The following SOS2 variants were observed in gnomAD, a reference collection of about 807,000 sequenced individuals.
SOS2 encodes SOS Ras/Rho guanine nucleotide exchange factor 2, also known as son of sevenless homolog 2.
Under a neutral mutation model 148.2 loss-of-function variants are expected in SOS2, and 65 were observed. The ratio of observed to expected loss-of-function variants is 0.44; its 90% confidence interval spans 0.36 to 0.54. The LOEUF (loss-of-function observed/expected upper bound fraction) is 0.54. Among genes scored for constraint, SOS2 ranks in the 20% least tolerant of loss-of-function variants. SOS2 has a pLI of 0.00. For missense variants in SOS2, 1,341 were observed against 1,590.2 expected (o/e 0.84, Z 2.67); for synonymous variants, 539 against 537.1 (o/e 1.00, Z -0.05).
At position 50,156,876 on chromosome 14, in the gene SOS2, A is replaced by G. The variant is rs771918147; in HGVS notation, c.2057+123T>C. 4 of 486,984 alleles carry G rather than the reference A, an allele frequency of 8.2e-6. No individual in the cohort carries two copies. In the South Asian group the frequency reaches 1.6e-4, roughly 20 times the overall value. 30.2% of individuals were successfully genotyped at this position (486,984 alleles called of 1,614,324 possible). On this transcript the variant is annotated intron_variant, in intron 12 of 22. Transcript: ENST00000216373. ...TGCTGTGAAGTTAAAAATATTCCCT[A>G]TATTTGAATTAAAAGCTGAGAGCTT...
chr14:50,135,003 G>A (rs182096167), intron 18 of SOS2, among the ~76,000 whole-genome samples: 4 of 148,942 alleles, frequency 2.7e-5, no homozygotes. Flanking sequence ...AACCTGGCAG[G>A]CGGAGGTTGA....
chr14:50,219,776 A>T (rs188363390), intron 1 of SOS2, among the ~76,000 whole-genome samples: 2 of 152,336 alleles, frequency 1.3e-5, no homozygotes, highest in East Asian at 3.9e-4. Context: ...ATCAAAGTGT[A>T]TAATTAAAAA....
At chr14:50,206,499 T>C (rs1445442214) in intron 1 of SOS2, among the ~76,000 whole-genome samples, 1 of 152,252 alleles carries the variant, frequency 6.6e-6, no homozygotes, top group Non-Finnish European at 1.5e-5. Flanking sequence ...AAATGCTATG[T>C]AATAGTGGTT....
chr14:50,224,314 T>TATACACACAC (rs1281779995), intron 1 of SOS2, among the ~76,000 whole-genome samples: 18 of 101,030 alleles, frequency 1.8e-4, no homozygotes, highest in African/African-American at 7.8e-4. Flanking sequence ...AATATATATA[T>TATACACACAC]ACACACACAC....
At chr14:50,182,953 T>G (rs1269007215) in intron 5 of SOS2, among the ~76,000 whole-genome samples, 1 of 152,248 alleles carries the variant, frequency 6.6e-6, no homozygotes, top group African/African-American at 2.4e-5. Flanking sequence ...TTTCTTTAAC[T>G]AGCATATCTT....
chr14:50,123,950 A>G (rs1883605465), intron 21 of SOS2, among the ~76,000 whole-genome samples: 1 of 152,192 alleles, frequency 6.6e-6, no homozygotes, highest in Non-Finnish European at 1.5e-5. Context: ...AGAGAAGTAA[A>G]AGATACTTCT....
At chr14:50,156,967 A>ATGTG (rs1566830196) in intron 12 of SOS2, 32 bp downstream of exon 12, 4 of 1,115,298 alleles carry the variant, frequency 3.6e-6, no homozygotes, top group Non-Finnish European at 2.5e-6. Flanking sequence ...ATATGTGTAT[A>ATGTG]TATATATATA....
chr14:50,205,325 T>C (rs1366071208), intron 1 of SOS2, among the ~76,000 whole-genome samples: 1 of 152,138 alleles, frequency 6.6e-6, no homozygotes, highest in Admixed American at 6.5e-5. Flanking sequence ...GTGCTGAGAT[T>C]ATAGCATGAG....
chr14:50,188,530 G>T lies in SOS2; in HGVS notation c.681C>A (p.Ala227=). 1 of 1,599,594 alleles carries T rather than the reference G, an allele frequency of 6.3e-7. No individual in the cohort carries two copies. Among genetic ancestry groups the T allele is most frequent in the Non-Finnish European group, 8.5e-7 (1 of 1,176,638 alleles). Residue 227 remains alanine, a synonymous_variant, in exon 5 of 23, where the codon GCC becomes GCA. Coordinates refer to ENST00000216373, the MANE Select transcript of SOS2 (RefSeq NM_006939.4). ...TAAACAGCTTTCTATCAGAAAGAAA[G>T]GCTTCTCGAAACACTTTTATGATCA... is the stretch of plus-strand genomic sequence containing the variant. ...LNMIIKVFRE[A]FLSDRKLFKP... is the part of the protein sequence containing the mutation.
intron 1 of SOS2, among the ~76,000 whole-genome samples, chr14:50,226,333 T>G (rs1477290812): frequency 6.6e-6 from 1 of 152,212 alleles, no homozygotes; most frequent in Non-Finnish European, 1.5e-5. Flanking sequence ...TCTTTGACTC[T>G]CATATATCAA....
At chr14:50,178,470 C>CT (rs995163738) in intron 7 of SOS2, among the ~76,000 whole-genome samples, 25 of 151,218 alleles carry the variant, frequency 1.7e-4, no homozygotes, top group Non-Finnish European at 2.5e-4. Flanking sequence ...TCTTCTTTTT[C>CT]TTTTTTTTGT....
intron 8 of SOS2, among the ~76,000 whole-genome samples, chr14:50,170,549 G>T (rs1460383033): frequency 6.6e-6 from 1 of 151,816 alleles, no homozygotes; most frequent in Non-Finnish European, 1.5e-5. Context: ...AGCTGGGCAT[G>T]GTAGCACACA....
At chr14:50,133,046 T>C (rs1336706014) in intron 19 of SOS2, among the ~76,000 whole-genome samples, 1 of 152,178 alleles carries the variant, frequency 6.6e-6, no homozygotes, top group South Asian at 2.1e-4. Context: ...GAGACTGCAA[T>C]GATATGGTTA....
At chr14:50,194,743 G>A (rs374194696) in intron 4 of SOS2, among the ~76,000 whole-genome samples, 3 of 149,562 alleles carry the variant, frequency 2.0e-5, no homozygotes, top group East Asian at 4.0e-4. Flanking sequence ...ACGCCACTGC[G>A]CTCCATACTG....
In SOS2 at chr14:50,161,508, C is replaced by T. The variant is rs761020960; in HGVS notation, c.1170G>A (p.Lys390=). The change falls in exon 9 of 23, where the codon AAG becomes AAA. Residue 390 remains lysine, a synonymous_variant. Coordinates refer to ENST00000216373, the MANE Select transcript of SOS2 (RefSeq NM_006939.4). ...CAGGTCGACGTCTAGGTGAATACTG[C>T]TTGTAAATTCGGTCCATGCTACCTT... ...NLQGSMDRIY[K]QYSPRRRPGD... 5 of 1,613,292 alleles carry T rather than the reference C, an allele frequency of 3.1e-6. No individual in the cohort carries two copies. Among genetic ancestry groups the T allele is most frequent in the Admixed American group, 3.3e-5 (2 of 59,952 alleles).
intron 1 of SOS2, chr14:50,215,484 A>G: frequency 1.6e-6 from 2 of 1,242,066 alleles, no homozygotes; most frequent in Non-Finnish European, 2.1e-6. Flanking sequence ...TTTGCCTATC[A>G]TATTTTTTGA....
In SOS2 at chr14:50,230,618, T is replaced by A. The variant is rs547451602; in HGVS notation, c.87+579A>T. Among the ~76,000 whole-genome samples the A allele has an allele frequency of 6.7e-4, 102 of 152,306 alleles. 1 individual carries two copies. Among genetic ancestry groups the A allele is most frequent in the Non-Finnish European group, 1.2e-3 (81 of 68,024 alleles). On this transcript the variant is annotated intron_variant, in intron 1 of 22. Transcript: ENST00000216373. ...CACTGACCAAATTTTCTAAGGGTAATCTCTTGTAAACAGGTAAGACACCGT... is the reference window on the plus strand; with the variant it reads ...CACTGACCAAATTTTCTAAGGGTAAACTCTTGTAAACAGGTAAGACACCGT...
chr14:50,152,356 C>T (rs1594975299), intron 13 of SOS2, among the ~76,000 whole-genome samples: 1 of 151,836 alleles, frequency 6.6e-6, no homozygotes, highest in Non-Finnish European at 1.5e-5. Flanking sequence ...AGAAATATAC[C>T]AAAAACATTT....
At chr14:50,228,677 T>C (rs922606333) in intron 1 of SOS2, among the ~76,000 whole-genome samples, 3 of 152,192 alleles carry the variant, frequency 2.0e-5, no homozygotes, top group Admixed American at 6.5e-5. Flanking sequence ...GTAAGCTACA[T>C]TGCTGCTTTC....
Sources: allele counts gnomAD v4.1 joint callset (sites outside exome capture counted in the v4.1 genomes callset), GRCh38; gene constraint gnomAD v4.1.1; transcripts MANE v1.5; gene names NCBI Gene and HGNC (gene_info 2026-07-23, HGNC 2026-07-21).